The following ROR1 variants were observed in gnomAD, a reference collection of about 807,000 sequenced individuals.
The protein encoded by ROR1 is ROR family WNT receptor 1.
Under a neutral mutation model 78.8 loss-of-function variants are expected in ROR1, and 19 were observed. The observed-to-expected ratio is 0.24, with a 90% CI of 0.17 to 0.35. ROR1 has a LOEUF of 0.35. Among genes scored for constraint, ROR1 ranks in the 10% least tolerant of loss-of-function variants. The pLI is 1.00. For synonymous variants in ROR1, 386 were observed against 433.6 expected (o/e 0.89, Z 1.36); for missense variants, 917 against 1,177.8 (o/e 0.78, Z 3.24).
chr1:64,008,666 G>T (rs905438224), intron 1 of ROR1, among the ~76,000 whole-genome samples: 2 of 152,000 alleles, frequency 1.3e-5, no homozygotes, highest in African/African-American at 2.4e-5. Flanking sequence ...ATGGAGTCTC[G>T]CTATGTCAGC....
chr1:63,956,407 A>T (rs1321124722), intron 1 of ROR1, among the ~76,000 whole-genome samples: 2 of 152,194 alleles, frequency 1.3e-5, no homozygotes, highest in African/African-American at 4.8e-5. Context: ...ACAATCCCAG[A>T]TTCTTACCCA....
At chr1:63,942,305 T>C (rs1645847260) in intron 1 of ROR1, among the ~76,000 whole-genome samples, 1 of 152,244 alleles carries the variant, frequency 6.6e-6, no homozygotes, top group Admixed American at 6.5e-5. Flanking sequence ...CAAATGGTCA[T>C]GATTCTTCTC....
At chr1:64,082,366 G>A (rs966941056) in intron 4 of ROR1, among the ~76,000 whole-genome samples, 8 of 152,104 alleles carry the variant, frequency 5.3e-5, no homozygotes, top group Non-Finnish European at 7.4e-5. Context: ...TGAGGGTAAT[G>A]GAAAAGCCAA....
At chr1:63,986,671 T>A (rs1206688919) in intron 1 of ROR1, among the ~76,000 whole-genome samples, 1 of 152,102 alleles carries the variant, frequency 6.6e-6, no homozygotes, top group Non-Finnish European at 1.5e-5. Context: ...GGTGAGAGGA[T>A]CCCTTGAGCC....
intron 8 of ROR1, among the ~76,000 whole-genome samples, chr1:64,163,761 C>T (rs1650011408): frequency 6.6e-6 from 1 of 152,208 alleles, no homozygotes; most frequent in African/African-American, 2.4e-5. Context: ...TTGCCAGCAA[C>T]ATGCTTCCAT....
intron 4 of ROR1, among the ~76,000 whole-genome samples, chr1:64,102,958 C>T (rs1187347496): frequency 2.6e-5 from 4 of 152,148 alleles, no homozygotes; most frequent in East Asian, 1.9e-4. Context: ...TGACAATCAC[C>T]CCCCTGTTGA....
chr1:63,956,346 C>T (rs1645981941), intron 1 of ROR1, among the ~76,000 whole-genome samples: 1 of 152,180 alleles, frequency 6.6e-6, no homozygotes, highest in Non-Finnish European at 1.5e-5. Flanking sequence ...CAGAGCTCAG[C>T]CCTCAGGAAG....
intron 2 of ROR1, among the ~76,000 whole-genome samples, chr1:64,010,662 A>T (rs72914924): frequency 0.03 from 4,521 of 152,168 alleles, 250 homozygotes; most frequent in African/African-American, 0.1. Context: ...TCCCCACCCA[A>T]ATCTCATCTT....
intron 1 of ROR1, among the ~76,000 whole-genome samples, chr1:64,007,199 T>C (rs149619317): frequency 2.0e-5 from 3 of 152,204 alleles, no homozygotes; most frequent in Non-Finnish European, 2.9e-5. Context: ...CCTAGAGCAC[T>C]GTGCTTAAAG....
intron 1 of ROR1, among the ~76,000 whole-genome samples, chr1:63,915,563 T>C (rs1645602563): frequency 6.6e-6 from 1 of 152,138 alleles, no homozygotes; most frequent in South Asian, 2.1e-4. Context: ...GCTATCTTAA[T>C]CATATGACTA....
chr1:63,971,981 T>G (rs1646123085), intron 1 of ROR1, among the ~76,000 whole-genome samples: 1 of 152,182 alleles, frequency 6.6e-6, no homozygotes, highest in African/African-American at 2.4e-5. Flanking sequence ...TGTATACCGT[T>G]CCACACTTAC....
intron 4 of ROR1, among the ~76,000 whole-genome samples, chr1:64,108,068 G>A (rs1647899032): frequency 7.0e-5 from 1 of 14,374 alleles, no homozygotes. Context: ...TGTTGTGTGT[G>A]TGTGTGTGTG....
chr1:64,013,827 G>C (rs1010833437), intron 2 of ROR1, among the ~76,000 whole-genome samples: 2 of 152,166 alleles, frequency 1.3e-5, no homozygotes, highest in Non-Finnish European at 2.9e-5. Context: ...TTAAAGTCAG[G>C]GTTTGCCTTA....
chr1:63,776,762 C>T (rs1362240891), intron 1 of ROR1, among the ~76,000 whole-genome samples: 56 of 152,128 alleles, frequency 3.7e-4, no homozygotes, highest in Admixed American at 3.7e-3. Flanking sequence ...ATGAGAGGGT[C>T]TGTCTCTCTT....
chr1:64,049,841 T>C lies in ROR1; in HGVS notation c.314T>C (p.Leu105Pro), dbSNP rs1646814435. 1 of 1,614,016 alleles carries C rather than the reference T, an allele frequency of 6.2e-7. No individual in the cohort carries two copies. The highest frequency in any genetic ancestry group is 1.3e-5 in the African/African-American group (1 of 74,906). ...DAPVVQEPRR[L>P]SFRSTIYGSR... ...CCTGTGGTCCAGGAGCCCCGGAGGCTCTCCTTTCGGTCCACCATCTATGGC... is the reference window on the plus strand; with the variant it reads ...CCTGTGGTCCAGGAGCCCCGGAGGCCCTCCTTTCGGTCCACCATCTATGGC... The change falls in exon 3 of 9, where the codon CTC becomes CCC. Residue 105 changes from leucine (L) to proline (P), a missense_variant. Around this residue, in one of 3 missense-constraint regions of ROR1, gnomAD observed 835 missense variants for 1,069.8 expected, o/e 0.78. Coordinates refer to ENST00000371079, the MANE Select transcript of ROR1 (RefSeq NM_005012.4).
intron 1 of ROR1, among the ~76,000 whole-genome samples, chr1:63,776,547 C>G (rs1644617514): frequency 6.6e-6 from 1 of 152,148 alleles, no homozygotes; most frequent in South Asian, 2.1e-4. Flanking sequence ...TTTACACTGT[C>G]TTTCCATACA....
intron 1 of ROR1, among the ~76,000 whole-genome samples, chr1:63,978,637 A>G (rs1646182848): frequency 6.6e-6 from 1 of 152,190 alleles, no homozygotes; most frequent in African/African-American, 2.4e-5. Context: ...ATGATCCAGA[A>G]ATTTCACTTC....
intron 1 of ROR1, among the ~76,000 whole-genome samples, chr1:63,994,878 C>T (rs1646324670): frequency 6.6e-6 from 1 of 151,516 alleles, no homozygotes. Context: ...CCATCAAGTG[C>T]ACAGTAGCTT....
chr1:64,160,493 C>T (rs1211569168), intron 8 of ROR1, among the ~76,000 whole-genome samples: 1 of 151,860 alleles, frequency 6.6e-6, no homozygotes, highest in Non-Finnish European at 1.5e-5. Context: ...AAAAACCCTA[C>T]AAATCCTGAA....
Sources: allele counts gnomAD v4.1 joint callset (sites outside exome capture counted in the v4.1 genomes callset), GRCh38; gene constraint gnomAD v4.1.1; regional missense constraint gnomAD v4.1.1; transcripts MANE v1.5; gene names NCBI Gene and HGNC (gene_info 2026-07-23, HGNC 2026-07-21).